GALK2: variants seen among roughly 807,000 people sequenced by gnomAD.
GALK2 encodes the protein N-acetylgalactosamine kinase.
Under a neutral mutation model 52.4 loss-of-function variants are expected in GALK2, and 36 were observed. That is an observed-to-expected ratio of 0.69 (90% CI 0.53 to 0.91). The LOEUF (loss-of-function observed/expected upper bound fraction) is 0.91, where lower values mean the gene tolerates loss of function less well. GALK2 is among the 40% of genes least tolerant of loss of function. The pLI is 0.00. For synonymous variants in GALK2, 176 were observed against 199.1 expected, an observed-to-expected ratio of 0.88 and a Z score of 0.98; for missense variants, 579 against 559.1, an observed-to-expected ratio of 1.04 and a Z score of -0.36.
intron 3 of GALK2, among the ~76,000 whole-genome samples, chr15:49,343,439 G>T (rs1005540705): frequency 1.3e-5 from 2 of 152,006 alleles, no homozygotes; most frequent in Non-Finnish European, 2.9e-5. Flanking sequence ...GAGTTTCTTT[G>T]TGTTGACTTT....
At chr15:49,301,174 T>C (rs2035080091) in intron 8 of GALK2, among the ~76,000 whole-genome samples, 1 of 151,990 alleles carries the variant, frequency 6.6e-6, no homozygotes, top group Admixed American at 6.6e-5. Flanking sequence ...AATCAAGCAG[T>C]GGCTTGAAGC....
chr15:49,177,710 G>A (rs1052449775), intron 1 of GALK2: 16 of 687,240 alleles, frequency 2.3e-5, no homozygotes, highest in East Asian at 1.5e-4. Context: ...CGGATCTTTC[G>A]GCCTGCAGAT....
intron 1 of GALK2, among the ~76,000 whole-genome samples, chr15:49,179,133 T>C (rs1395921422): frequency 6.6e-6 from 1 of 152,114 alleles, no homozygotes; most frequent in Non-Finnish European, 1.5e-5. Context: ...AAATTCACCC[T>C]CCTTTCCCAA....
chr15:49,173,048 C>T (rs1015183270), intron 1 of GALK2, among the ~76,000 whole-genome samples: 1 of 152,158 alleles, frequency 6.6e-6, no homozygotes, highest in Non-Finnish European at 1.5e-5. Flanking sequence ...TTATCACACC[C>T]CAGAACTCCA....
intron 3 of GALK2, among the ~76,000 whole-genome samples, chr15:49,357,695 T>C (rs1163333359): frequency 6.6e-6 from 1 of 151,728 alleles, no homozygotes; most frequent in Non-Finnish European, 1.5e-5. Flanking sequence ...CTGAAACTAT[T>C]CCAATCAATA....
intron 8 of GALK2, among the ~76,000 whole-genome samples, chr15:49,306,454 G>A (rs960216695): frequency 4.0e-5 from 6 of 151,790 alleles, no homozygotes; most frequent in African/African-American, 1.5e-4. Context: ...TAATTTTGTG[G>A]GAAGACAACA....
intron 9 of GALK2, among the ~76,000 whole-genome samples, chr15:49,322,952 A>G (rs3784630): frequency 0.24 from 34,477 of 143,452 alleles, 4,437 homozygotes; most frequent in African/African-American, 0.3. Flanking sequence ...GCAAGACTCC[A>G]TCTCAGGTAA....
At chr15:49,318,610 TCTATGATAA>T (rs2036616925) in intron 8 of GALK2, among the ~76,000 whole-genome samples, 1 of 152,188 alleles carries the variant, frequency 6.6e-6, no homozygotes, top group Admixed American at 6.5e-5. Flanking sequence ...CTTATTTTCT[TCTATGATAA>T]ATAATGCTGC....
upstream of GALK2, among the ~76,000 whole-genome samples, chr15:49,167,085 A>T (rs1328882763): frequency 6.6e-6 from 1 of 152,100 alleles, no homozygotes; most frequent in East Asian, 1.9e-4. Context: ...TTTTGGATCA[A>T]GTTTTTGTAT....
At chr15:49,275,403 A>C (rs2031490257) in intron 5 of GALK2, among the ~76,000 whole-genome samples, 1 of 152,168 alleles carries the variant, frequency 6.6e-6, no homozygotes. Flanking sequence ...GACACTATCA[A>C]TATTGTGAGC....
chr15:49,202,241 G>T (rs1566932537), intron 2 of GALK2, among the ~76,000 whole-genome samples: 1 of 152,112 alleles, frequency 6.6e-6, no homozygotes, highest in South Asian at 2.1e-4. Flanking sequence ...CCAATCTCAG[G>T]TGATCCACCT....
chr15:49,156,122 C>CT, intron 1 of GALK2: 1 of 1,110,122 alleles, frequency 9.0e-7, no homozygotes, highest in Non-Finnish European at 1.4e-6. Flanking sequence ...ACACTTAATG[C>CT]TTGTTATATT....
At chr15:49,350,360 A>G (rs59149083) in intron 3 of GALK2, among the ~76,000 whole-genome samples, 1,874 of 152,304 alleles carry the variant, frequency 0.012, 36 homozygotes, top group African/African-American at 0.043. Flanking sequence ...ATGATGACAA[A>G]CATCATAAAT....
intron 1 of GALK2, among the ~76,000 whole-genome samples, chr15:49,190,911 A>C (rs2086681295): frequency 6.6e-6 from 1 of 152,134 alleles, no homozygotes. Context: ...CTCTGAATCT[A>C]CTGTGATTCT....
chr15:49,278,127 G>A (rs908638620), intron 5 of GALK2, among the ~76,000 whole-genome samples: 7 of 152,174 alleles, frequency 4.6e-5, no homozygotes, highest in African/African-American at 1.7e-4. Context: ...CTGGCGTGGT[G>A]GCGGGCGCCT....
intron 1 of GALK2, among the ~76,000 whole-genome samples, chr15:49,162,091 C>T (rs1339035201): frequency 2.0e-5 from 3 of 152,196 alleles, no homozygotes; most frequent in Non-Finnish European, 4.4e-5. Flanking sequence ...AGATAATGAA[C>T]ATATTATCAC....
chr15:49,191,599 A>G (rs1476998939), intron 1 of GALK2, among the ~76,000 whole-genome samples: 1 of 152,208 alleles, frequency 6.6e-6, no homozygotes, highest in Non-Finnish European at 1.5e-5. Context: ...TCTTTAGTAC[A>G]TCATATCAAA....
At chr15:49,270,330 G>T (rs2030284843) in intron 5 of GALK2, among the ~76,000 whole-genome samples, 1 of 152,178 alleles carries the variant, frequency 6.6e-6, no homozygotes, top group South Asian at 2.1e-4. Context: ...AGTTATAGAG[G>T]TCTCATGATC....
chr15:49,340,422 C>CT (rs2040535390), intron 3 of GALK2, among the ~76,000 whole-genome samples: 2 of 143,290 alleles, frequency 1.4e-5, no homozygotes, highest in South Asian at 2.3e-4. Context: ...CTCCCCCCCC[C>CT]GCTTTGCCTC....
Sources: gnomAD v4.1 joint callset for allele counts (sites outside exome capture counted in the v4.1 genomes callset) on GRCh38, gnomAD v4.1.1 for gene constraint, MANE v1.5 for transcripts, NCBI Gene and HGNC (gene_info 2026-07-23, HGNC 2026-07-21) for gene names.